GAL3ST4: variants seen among roughly 807,000 people sequenced by gnomAD.
GAL3ST4 encodes beta-galactose-3-O-sulfotransferase 4.
In GAL3ST4, 30 loss-of-function variants were observed where a neutral mutation model predicts 31.6. That is an observed-to-expected ratio of 0.95 (90% CI 0.71 to 1.29). The LOEUF is 1.29. Ranked by LOEUF, GAL3ST4 falls within the 50% of genes most tolerant of loss-of-function variation. The pLI, the probability that GAL3ST4 is intolerant of heterozygous loss-of-function variation, is 0.00. For synonymous variants in GAL3ST4, 248 were observed against 256.9 expected, an observed-to-expected ratio of 0.97 and a Z score of 0.33; for missense variants, 629 against 625.2, an observed-to-expected ratio of 1.01 and a Z score of -0.06.
intron 3 of GAL3ST4, among the ~76,000 whole-genome samples, chr7:100,163,054 G>C (rs1262047616): frequency 6.6e-6 from 1 of 152,174 alleles, no homozygotes; most frequent in Non-Finnish European, 1.5e-5. Flanking sequence ...GTGCCTGGGA[G>C]GGGGCATCAC....
chr7:100,161,024 C>A, intron 3 of GAL3ST4, 65 bp from the exon 4 acceptor site: 1 of 1,380,584 alleles, frequency 7.2e-7, no homozygotes, highest in Non-Finnish European at 9.7e-7. Flanking sequence ...TAAGTATGCA[C>A]AAGCCATGTG....
rs764352485 is a variant in GAL3ST4 at position 100,160,150 on chromosome 7, A to T, written c.1239T>A (p.Ala413=). ...LAKHCLVGGE[A]SDPKYITDRR... is the part of the protein sequence containing the mutation. ...GATCAGTGATGTATTTGGGGTCAGAAGCCTCACCCCCTACCAGACAATGTT... is the reference window on the plus strand; with the variant it reads ...GATCAGTGATGTATTTGGGGTCAGATGCCTCACCCCCTACCAGACAATGTT... The change falls in exon 4 of 4, where the codon GCT becomes GCA. Residue 413 remains alanine (A), a synonymous_variant. Coordinates refer to ENST00000360039, the MANE Select transcript of GAL3ST4 (RefSeq NM_024637.5). The T allele has an allele frequency of 1.2e-6, 2 of 1,613,822 alleles. No homozygotes were observed. The highest frequency in any genetic ancestry group is 1.7e-6 in the Non-Finnish European group (2 of 1,179,792).
chr7:100,163,710 T>G (rs2116972202), intron 3 of GAL3ST4, among the ~76,000 whole-genome samples: 1 of 152,202 alleles, frequency 6.6e-6, no homozygotes, highest in South Asian at 2.1e-4. Context: ...AATTTTTAAT[T>G]TTTTTGTAGT....
rs1798978187 is a variant in GAL3ST4 at position 100,160,355 on chromosome 7, T to G, written c.1034A>C (p.Asn345Thr). ...GHKQGLSTVS[N>T]SGLTAEDRQL... ...CCGGTCCTCCGCAGTCAGTCCACTG[T>G]TGCTGACAGTGCTGAGGCCCTGCTT... The change falls in exon 4 of 4, where the codon AAC becomes ACC. Residue 345 changes from asparagine (N) to threonine (T), a missense_variant. Transcript: ENST00000360039. 3.1e-6 allele frequency: 5 copies of G among 1,613,994 alleles called. No homozygotes were observed. The highest frequency in any genetic ancestry group is 4.2e-6 in the Non-Finnish European group (5 of 1,180,054).
At chr7:100,165,036 G>A (rs977356998) in intron 3 of GAL3ST4, among the ~76,000 whole-genome samples, 4 of 151,758 alleles carry the variant, frequency 2.6e-5, no homozygotes, top group Admixed American at 6.6e-5. Context: ...CACCATGCCC[G>A]GCTAATTTTT....
chr7:100,166,799 A>C lies in GAL3ST4; in HGVS notation c.132T>G (p.Pro44=). The change falls in exon 3 of 4, where the codon CCT becomes CCG. Residue 44 remains proline (P), a synonymous_variant. Coordinates refer to ENST00000360039, the MANE Select transcript of GAL3ST4 (RefSeq NM_024637.5). ...CCGAGGGCTGTCGGAGCTGTAGCCC[A>C]GGTAGCCTGGGAAGAGATGGAGGGG... is the stretch of plus-strand genomic sequence containing the variant. ...LLGGPFQRRL[P]GLQLRQPSAP... 4 of 1,602,878 alleles carry C rather than the reference A, an allele frequency of 2.5e-6. No homozygotes were observed. The highest frequency in any genetic ancestry group is 3.4e-6 in the Non-Finnish European group (4 of 1,174,726).
Position 100,160,500 on chromosome 7 carries a change from C to CAG in GAL3ST4, c.887_888dup (p.Val297LeufsTer27). ...TCAGCCACCATGACCAGGTCAAAGA[C>CAG]AGAGTCCAGCCATGCCAGACCCCAC... On this transcript the variant is annotated frameshift_variant, in exon 4 of 4. Transcript: ENST00000360039. LOFTEE classifies it high-confidence loss of function. The CAG allele has an allele frequency of 6.2e-7, 1 of 1,614,082 alleles. No homozygotes were observed. The highest frequency in any genetic ancestry group is 8.5e-7 in the Non-Finnish European group (1 of 1,180,026).
chr7:100,166,890 C>G, intron 2 of GAL3ST4, 81 bp downstream of exon 2: 3 of 1,554,402 alleles, frequency 1.9e-6, no homozygotes, highest in Non-Finnish European at 2.6e-6. Flanking sequence ...TCTGAGTCCT[C>G]AGGAGTCACC....
chr7:100,166,255 C>T (rs191549197), intron 3 of GAL3ST4, among the ~76,000 whole-genome samples: 158 of 152,274 alleles, frequency 1.0e-3, no homozygotes, highest in African/African-American at 3.6e-3. Context: ...CAGGGAAATA[C>T]ATTGGTGAAA....
Position 100,166,571 on chromosome 7 carries a change from G to T in GAL3ST4, c.360C>A (p.Arg120=). The T allele has an allele frequency of 6.2e-7, 1 of 1,614,226 alleles. No individual in the cohort carries two copies. Among genetic ancestry groups the T allele is most frequent in the Non-Finnish European group, 8.5e-7 (1 of 1,180,042 alleles). ...GGAGCTGGGTGCCTCCACCCTGTGG[G>T]CGGTAGCCTTTTACCCTAGAGGCCT... is the stretch of plus-strand genomic sequence containing the variant. ...LFQASRVKGY[R]PQGGGTQLPF... is the part of the protein sequence containing the mutation. Residue 120 remains arginine (R), a synonymous_variant, in exon 3 of 4, where the codon CGC becomes CGA. Transcript: ENST00000360039.
chr7:100,160,948 G>A lies in GAL3ST4; in HGVS notation c.441C>T (p.Val147=). Residue 147 remains valine, a synonymous_variant, in exon 4 of 4, where the codon GTC becomes GTT. Coordinates refer to ENST00000360039, the MANE Select transcript of GAL3ST4 (RefSeq NM_024637.5). ...MRFNLKEVLQ[V]MPSDSFFFSI... is the part of the protein sequence containing the mutation. ...AAAAAAAGAAGCTGTCAGAAGGCAT[G>A]ACCTGAAGTACCTGCAGAGGAGGGA... The A allele has an allele frequency of 6.3e-7, 1 of 1,594,776 alleles. No homozygotes were observed. Among genetic ancestry groups the A allele is most frequent in the Non-Finnish European group, 8.5e-7 (1 of 1,171,962 alleles).
chr7:100,168,005 G>GAGACACACACACACAC lies in GAL3ST4; in HGVS notation c.-189+540_-189+541insGTGTGTGTGTGTGTCT, dbSNP rs371744826. ...GGAGAGGGAGACAGAAAGAGAGAGA[G>GAGACACACACACACAC]ACACACACACACACACACACACACA... On this transcript the variant is annotated intron_variant, in intron 1 of 3. Transcript: ENST00000360039. The surrounding 1 kb of genome is among the most constrained non-coding windows in gnomAD (Gnocchi z 4.1). The GAGACACACACACACAC allele has an allele frequency of 1.4e-5, 2 of 145,614 alleles. No homozygotes were observed. Among genetic ancestry groups the GAGACACACACACACAC allele is most frequent in the African/African-American group, 5.2e-5 (2 of 38,538 alleles). 9.0% of individuals were successfully genotyped at this position (145,614 alleles called of 1,614,324 possible).
chr7:100,160,518 G>C lies in GAL3ST4; in HGVS notation c.871C>G (p.Leu291Val). The C allele has an allele frequency of 1.2e-6, 2 of 1,614,056 alleles. No individual in the cohort carries two copies. Among genetic ancestry groups the C allele is most frequent in the Non-Finnish European group, 1.7e-6 (2 of 1,180,048 alleles). Residue 291 changes from leucine (L) to valine (V), a missense_variant, in exon 4 of 4, where the codon CTG (leucine) becomes GTG (valine). By Grantham distance (32) the Leu-to-Val change is conservative. Transcript: ENST00000360039. The stretch of plus-strand genomic sequence containing the variant: ...TCAAAGACAGAGTCCAGCCATGCCA[G>C]ACCCCACTGGATGAAGGATGAAGAC... The part of the protein sequence containing the change: ...LGSSSFIQWG[L>V]AWLDSVFDLV...
intron 3 of GAL3ST4, 71 bp downstream of exon 3, chr7:100,166,431 C>A (rs1799074079): frequency 5.4e-6 from 8 of 1,494,086 alleles, no homozygotes; most frequent in Non-Finnish European, 6.4e-6. Flanking sequence ...CAGGTCTGGG[C>A]CCCCTCCCTT....
chr7:100,166,579 C>A lies in GAL3ST4; in HGVS notation c.352G>T (p.Gly118Cys), dbSNP rs371441744. ...PKLFQASRVK[G>C]YRPQGGGTQL... is the part of the protein sequence containing the mutation. The stretch of plus-strand genomic sequence containing the variant: ...GTGCCTCCACCCTGTGGGCGGTAGC[C>A]TTTTACCCTAGAGGCCTGGAAGAGC... The change falls in exon 3 of 4, where the codon GGC becomes TGC. Residue 118 changes from glycine (G) to cysteine (C), a missense_variant. Transcript: ENST00000360039. 3.2e-5 allele frequency: 51 copies of A among 1,614,084 alleles called. No homozygotes were observed. The highest frequency in any genetic ancestry group is 4.2e-5 in the Non-Finnish European group (50 of 1,180,054).
chr7:100,166,264 AAGAG>A (rs1194531181), intron 3 of GAL3ST4, among the ~76,000 whole-genome samples: 1 of 152,222 alleles, frequency 6.6e-6, no homozygotes, highest in East Asian at 1.9e-4. Context: ...ACATTGGTGA[AAGAG>A]AGAGACTGGA....
intron 3 of GAL3ST4, among the ~76,000 whole-genome samples, chr7:100,164,681 A>G (rs144254740): frequency 9.2e-5 from 14 of 151,932 alleles, no homozygotes; most frequent in African/African-American, 3.4e-4. Flanking sequence ...ATAAAAATCA[A>G]AATTAAATAA....
chr7:100,162,373 C>T (rs1799014400), intron 3 of GAL3ST4, among the ~76,000 whole-genome samples: 2 of 151,370 alleles, frequency 1.3e-5, no homozygotes, highest in Admixed American at 6.6e-5. Flanking sequence ...GGTGAAACCA[C>T]ATCTCTACTA....
Position 100,167,248 on chromosome 7 carries a change from C to A in GAL3ST4, c.-153G>T. ...CTGCTCACAGTCTTGGTTGAGTCTG[C>A]CCCCTGAGTTAGCAGATTTTTGCCT... On this transcript the variant is annotated 5_prime_UTR_variant, in exon 2 of 4. Coordinates refer to ENST00000360039, the MANE Select transcript of GAL3ST4 (RefSeq NM_024637.5). 6.8e-7 allele frequency: 1 copy of A among 1,480,836 alleles called. No individual in the cohort carries two copies. Among genetic ancestry groups the A allele is most frequent in the Non-Finnish European group, 9.0e-7 (1 of 1,113,662 alleles). The allele number at this position is 1,480,836 out of a possible 1,614,324, so 91.7% of individuals were successfully genotyped here. A position where few individuals can be genotyped will look rare whatever the true frequency, so the allele number is the denominator to read the frequency against.
Sources: allele counts gnomAD v4.1 joint callset (sites outside exome capture counted in the v4.1 genomes callset), GRCh38; gene constraint gnomAD v4.1.1; non-coding constraint Gnocchi (gnomAD v3.1); transcripts MANE v1.5; gene names NCBI Gene and HGNC (gene_info 2026-07-23, HGNC 2026-07-21).